Variants in KLHL21 observed in about 807,000 individuals in gnomAD.
The protein encoded by KLHL21 is kelch-like protein 21.
KLHL21 carries 42 observed loss-of-function variants against 44.1 expected under a neutral mutation model. The ratio of observed to expected loss-of-function variants is 0.95; its 90% CI spans 0.74 to 1.23. KLHL21 has a LOEUF of 1.23. Among genes scored for constraint, KLHL21 ranks in the 50% most tolerant of loss-of-function variants. KLHL21 has a pLI of 0.00. For synonymous variants in KLHL21, 524 were observed against 411.6 expected, an observed-to-expected ratio of 1.27 and a Z score of -3.31; for missense variants, 918 against 889.1, an observed-to-expected ratio of 1.03 and a Z score of -0.41.
At chr1:6,595,192 T>G in intron 3 of KLHL21, 1 of 576,074 alleles carries the variant, frequency 1.7e-6, no homozygotes, top group African/African-American at 1.9e-5. Flanking sequence ...GGAACAGGTG[T>G]CCCCAGATGA....
chr1:6,593,383 G>C lies in KLHL21; in HGVS notation c.1776C>G (p.Asp592Glu). 6 of 1,600,178 alleles carry C rather than the reference G, an allele frequency of 3.7e-6. No individual in the cohort carries two copies. Among genetic ancestry groups the C allele is most frequent in the Non-Finnish European group, 5.1e-6 (6 of 1,173,788 alleles). Residue 592 changes from aspartate (D) to glutamate (E), a missense_variant, in exon 4 of 4, where the codon GAC (aspartate) becomes GAG (glutamate). Transcript: ENST00000377658. ...ACTGGGGCTAGTGCAGCTCATCGGG[G>C]TCCCGCGGCGGCCGGGGTCGGCCTG... ...MDPGRPRPPR[D>E]PDELH
At chr1:6,596,810 G>C (rs1019084171) in intron 2 of KLHL21, among the ~76,000 whole-genome samples, 1 of 152,228 alleles carries the variant, frequency 6.6e-6, no homozygotes, top group Non-Finnish European at 1.5e-5. Flanking sequence ...CCCCAGCCAA[G>C]GAGGCATTTT....
chr1:6,601,266 C>T (rs371868811), intron 1 of KLHL21, among the ~76,000 whole-genome samples: 22 of 152,162 alleles, frequency 1.4e-4, no homozygotes, highest in Non-Finnish European at 2.6e-4. Flanking sequence ...TTTACAGGCT[C>T]CGGGGAGTTC....
intron 2 of KLHL21, 23 bp from the exon 3 acceptor site, chr1:6,595,580 AC>A: frequency 6.2e-7 from 1 of 1,605,484 alleles, no homozygotes; most frequent in Non-Finnish European, 8.5e-7. Flanking sequence ...CAGCAGGAGG[AC>A]AACTGCTCAG....
At position 6,595,566 on chromosome 1, in the gene KLHL21, G is replaced by A. The variant is rs954744417; in HGVS notation, c.1428-9C>T. 1.9e-6 allele frequency: 3 copies of A among 1,612,376 alleles called. No homozygotes were observed. The highest frequency in any genetic ancestry group is 1.7e-5 in the Admixed American group (1 of 59,968). ...CCTCAGCGGAGTCATCCCTGTGGAG[G>A]GGGCAGCAGGAGGACAACTGCTCAG... On this transcript the variant is annotated splice_polypyrimidine_tract_variant and intron_variant, in intron 2 of 3. Transcript: ENST00000377658.
In KLHL21 at chr1:6,599,462, C is replaced by A. The variant is rs764517974; in HGVS notation, c.1022-10G>T. 2 of 1,590,726 alleles carry A rather than the reference C, an allele frequency of 1.3e-6. No homozygotes were observed. The highest frequency in any genetic ancestry group is 8.6e-7 in the Non-Finnish European group (1 of 1,166,462). ...GAGCCATCGGACCCACCTGCCAGGACGCATGACAGGCAGAAGATCAGCCCA... is the reference window on the plus strand; with the variant it reads ...GAGCCATCGGACCCACCTGCCAGGAAGCATGACAGGCAGAAGATCAGCCCA... On this transcript the variant is annotated splice_polypyrimidine_tract_variant and intron_variant, in intron 1 of 3. Transcript: ENST00000377658.
In KLHL21 at chr1:6,602,476, G is replaced by C. The variant is rs953689855; in HGVS notation, c.342C>G (p.Asp114Glu). Reference sequence around the variant, plus strand: ...CCTTCACGGCCGGGAACTGCAGCAGGTCGGCGGCGCGCAGCAGCGGCTCAG... The same window carrying C: ...CCTTCACGGCCGGGAACTGCAGCAGCTCGGCGGCGCGCAGCAGCGGCTCAG... ...DNAEPLLRAA[D>E]LLQFPAVKEA... The change falls in exon 1 of 4, where the codon GAC (aspartate) becomes GAG (glutamate). Residue 114 changes from aspartate (D) to glutamate (E), a missense_variant. Physicochemically the swap from Asp to Glu is conservative, Grantham distance 45. Coordinates refer to ENST00000377658, the MANE Select transcript of KLHL21 (RefSeq NM_014851.4). 2 of 1,563,350 alleles carry C rather than the reference G, an allele frequency of 1.3e-6. No individual in the cohort carries two copies. The highest frequency in any genetic ancestry group is 1.7e-6 in the Non-Finnish European group (2 of 1,160,976).
chr1:6,601,698 T>C, intron 1 of KLHL21, 99 bp downstream of exon 1: 1 of 1,446,192 alleles, frequency 6.9e-7, no homozygotes, highest in South Asian at 1.4e-5. Flanking sequence ...GGTGCGCCCC[T>C]AGGATTCCAG....
At chr1:6,599,583 C>T (rs896484721) in intron 1 of KLHL21, 131 bp from the exon 2 acceptor site, 3 of 961,546 alleles carry the variant, frequency 3.1e-6, no homozygotes, top group East Asian at 2.6e-5. Context: ...CAGACGCACA[C>T]CCTCTCCCCA....
chr1:6,602,303 T>C lies in KLHL21; in HGVS notation c.515A>G (p.Gln172Arg). 1 of 1,555,696 alleles carries C rather than the reference T, an allele frequency of 6.4e-7. No individual in the cohort carries two copies. The highest frequency in any genetic ancestry group is 8.6e-7 in the Non-Finnish European group (1 of 1,157,926). Residue 172 changes from glutamine to arginine, a missense_variant, in exon 1 of 4, where the codon CAG becomes CGG. By Grantham distance (43) the Gln-to-Arg change is conservative (BLOSUM62 1). Coordinates refer to ENST00000377658, the MANE Select transcript of KLHL21 (RefSeq NM_014851.4). ...LRHVGELGAE[Q>R]LERLPLARLL... ...GCGCGCCAGTGGCAGCCGCTCCAGCTGCTCGGCGCCCAGCTCGCCCACGTG... is the reference window on the plus strand; with the variant it reads ...GCGCGCCAGTGGCAGCCGCTCCAGCCGCTCGGCGCCCAGCTCGCCCACGTG...
chr1:6,602,076 G>A lies in KLHL21; in HGVS notation c.742C>T (p.Pro248Ser). Residue 248 changes from proline to serine, a missense_variant, in exon 1 of 4, where the codon CCA becomes TCA. By Grantham distance (74) the Pro-to-Ser change is moderately conservative. Transcript: ENST00000377658. ...VEAEPLVARC[P>S]PCLRLLREAR... ...TCGCGCAGCAGGCGCAGGCAGGGTG[G>A]GCAGCGCGCCACCAGCGGCTCGGCC... 3 of 1,494,752 alleles carry A rather than the reference G, an allele frequency of 2.0e-6. No homozygotes were observed. Among genetic ancestry groups the A allele is most frequent in the East Asian group, 2.7e-5 (1 of 37,410 alleles). The allele number at this position is 1,494,752 out of a possible 1,614,324, so 92.6% of individuals were successfully genotyped here.
chr1:6,602,826 C>G lies in KLHL21; in HGVS notation c.-9G>C. On this transcript the variant is annotated 5_prime_UTR_variant, in exon 1 of 4. Transcript: ENST00000377658. ...GGCGCCGGTCGCTCCATGGCGCCTTCGATAGGTTGTCGAGGACGCCGCGGC... is the reference window on the plus strand; with the variant it reads ...GGCGCCGGTCGCTCCATGGCGCCTTGGATAGGTTGTCGAGGACGCCGCGGC... 1.4e-6 allele frequency: 2 copies of G among 1,423,524 alleles called. No individual in the cohort carries two copies. The highest frequency in any genetic ancestry group is 3.0e-5 in the East Asian group (1 of 33,734). 88.2% of individuals were successfully genotyped at this position (1,423,524 alleles called of 1,614,324 possible). A position where few individuals can be genotyped will look rare whatever the true frequency, so the allele number is the denominator to read the frequency against.
rs371149254 is a variant in KLHL21, at chr1:6,593,370, G to T, written c.1789C>A (p.His597Asn). The T allele has an allele frequency of 5.0e-6, 8 of 1,590,684 alleles. No homozygotes were observed. In the African/African-American group the frequency reaches 1.1e-4, roughly 21 times the overall value. The change falls in exon 4 of 4, where the codon CAC becomes AAC. Residue 597 changes from histidine (H) to asparagine (N), a missense_variant. His to Asn is a moderately conservative substitution (Grantham distance 68). Coordinates refer to ENST00000377658, the MANE Select transcript of KLHL21 (RefSeq NM_014851.4). The part of the protein sequence containing the change: ...PRPPRDPDEL[H>N] ...CGTGCCGGGCCAGACTGGGGCTAGT[G>T]CAGCTCATCGGGGTCCCGCGGCGGC...
chr1:6,594,842 AAC>A (rs1165633627), intron 3 of KLHL21: 1 of 152,658 alleles, frequency 6.6e-6, no homozygotes, highest in Admixed American at 6.5e-5. Context: ...CAGCCTGGGT[AAC>A]ACAGCAAGAC....
In KLHL21 at chr1:6,602,084, G is replaced by A; in HGVS notation, c.734C>T (p.Ala245Val). 6.7e-7 allele frequency: 1 copy of A among 1,485,798 alleles called. No individual in the cohort carries two copies. The highest frequency in any genetic ancestry group is 8.9e-7 in the Non-Finnish European group (1 of 1,122,336). The allele number at this position is 1,485,798 out of a possible 1,614,324, so 92.0% of individuals were successfully genotyped here. Residue 245 changes from alanine (A) to valine (V), a missense_variant, in exon 1 of 4, where the codon GCG becomes GTG. Coordinates refer to ENST00000377658, the MANE Select transcript of KLHL21 (RefSeq NM_014851.4). ...LAHVEAEPLV[A>V]RCPPCLRLLR... ...CAGGCGCAGGCAGGGTGGGCAGCGCGCCACCAGCGGCTCGGCCTCGACGTG... is the reference window on the plus strand; with the variant it reads ...CAGGCGCAGGCAGGGTGGGCAGCGCACCACCAGCGGCTCGGCCTCGACGTG...
Position 6,593,334 on chromosome 1 carries a change from G to A in KLHL21, c.*31C>T, listed in dbSNP as rs1346390244. On this transcript the variant is annotated 3_prime_UTR_variant, in exon 4 of 4. Coordinates refer to ENST00000377658, the MANE Select transcript of KLHL21 (RefSeq NM_014851.4). ...TGCCCCGCAGAGGTGCCAGTTACCTGCACCGAGGCCCGTGCCGGGCCAGAC... is the reference window on the plus strand; with the variant it reads ...TGCCCCGCAGAGGTGCCAGTTACCTACACCGAGGCCCGTGCCGGGCCAGAC... The A allele has an allele frequency of 7.8e-6, 12 of 1,537,600 alleles. No homozygotes were observed. The Admixed American group carries it at 2.4e-4, about 30-fold the overall frequency.
At chr1:6,601,655 ACATGTAGTCACCAGAGC>A (rs1641021331) in intron 1 of KLHL21, 125 bp downstream of exon 1, 11 of 1,318,404 alleles carry the variant, frequency 8.3e-6, no homozygotes, top group Non-Finnish European at 1.1e-5. Context: ...TCGCCCAGAG[ACATGTAGTCACCAGAGC>A]CCCAGCTTGG....
In KLHL21 at chr1:6,602,378, G is replaced by T. The variant is rs1340961212; in HGVS notation, c.440C>A (p.Ala147Asp). ...NCLDMQDFAE[A>D]FSCSGLASAA... ...GCTCGCCAGTCCCGAGCAGCTGAAGGCCTCAGCGAAGTCCTGCATGTCCAG... is the reference window on the plus strand; with the variant it reads ...GCTCGCCAGTCCCGAGCAGCTGAAGTCCTCAGCGAAGTCCTGCATGTCCAG... The change falls in exon 1 of 4, where the codon GCC becomes GAC. Residue 147 changes from alanine to aspartate, a missense_variant. Coordinates refer to ENST00000377658, the MANE Select transcript of KLHL21 (RefSeq NM_014851.4). 1 of 1,589,134 alleles carries T rather than the reference G, an allele frequency of 6.3e-7. No individual in the cohort carries two copies. Among genetic ancestry groups the T allele is most frequent in the Non-Finnish European group, 8.5e-7 (1 of 1,171,824 alleles).
In KLHL21 at chr1:6,591,000, A is replaced by G; in HGVS notation, c.*2365T>C. ...ATTTGTGCTGTAGACAAAGTTCTGTACATGTAACATGTGGCCATGCCCAGG... is the reference window on the plus strand; with the variant it reads ...ATTTGTGCTGTAGACAAAGTTCTGTGCATGTAACATGTGGCCATGCCCAGG... On this transcript the variant is annotated 3_prime_UTR_variant, in exon 4 of 4. Coordinates refer to ENST00000377658, the MANE Select transcript of KLHL21 (RefSeq NM_014851.4). 3 of 398,708 alleles carry G rather than the reference A, an allele frequency of 7.5e-6. No individual in the cohort carries two copies. Among genetic ancestry groups the G allele is most frequent in the Non-Finnish European group, 1.3e-5 (3 of 226,092 alleles). The allele number at this position is 398,708 out of a possible 1,614,324, so 24.7% of individuals were successfully genotyped here. A position where few individuals can be genotyped will look rare whatever the true frequency, so the allele number is the denominator to read the frequency against.
Sources: allele counts gnomAD v4.1 joint callset (sites outside exome capture counted in the v4.1 genomes callset), GRCh38; gene constraint gnomAD v4.1.1; transcripts MANE v1.5; gene names NCBI Gene and HGNC (gene_info 2026-07-23, HGNC 2026-07-21).